C6orf52: variants seen among roughly 807,000 people sequenced by gnomAD.
C6orf52 encodes the protein putative uncharacterized protein C6orf52.
A neutral mutation model predicts 16.6 loss-of-function variants in C6orf52; 16 were observed. That is an observed-to-expected ratio of 0.96 (90% CI 0.65 to 1.46). The LOEUF (loss-of-function observed/expected upper bound fraction) is 1.46, where lower values mean the gene tolerates loss of function less well. C6orf52 is among the 40% of genes most tolerant of loss of function. The pLI is 0.00. For synonymous variants in C6orf52, 53 were observed against 61.4 expected, an observed-to-expected ratio of 0.86 and a Z score of 0.64; for missense variants, 166 against 182.3, an observed-to-expected ratio of 0.91 and a Z score of 0.52.
chr6:10,681,997 G>A (rs1039462726), intron 4 of C6orf52, among the ~76,000 whole-genome samples: 9 of 152,184 alleles, frequency 5.9e-5, no homozygotes, highest in Non-Finnish European at 1.3e-4. Context: ...AGAATGAGGA[G>A]GAGTCACCAG....
At chr6:10,683,302 G>A (rs1768567953) in intron 3 of C6orf52, 70 bp from the exon 4 acceptor site, 8 of 935,060 alleles carry the variant, frequency 8.6e-6, no homozygotes, top group Non-Finnish European at 1.3e-5. Flanking sequence ...ATACTTTATT[G>A]GGAAAAACTC....
intron 1 of C6orf52, among the ~76,000 whole-genome samples, chr6:10,691,950 TAAGC>T (rs1242855476): frequency 6.6e-6 from 1 of 152,210 alleles, no homozygotes; most frequent in Non-Finnish European, 1.5e-5. Context: ...AAAAGTTACT[TAAGC>T]AAGTAAAAGT....
intron 1 of C6orf52, among the ~76,000 whole-genome samples, chr6:10,690,136 C>T (rs1294215354): frequency 3.9e-5 from 6 of 152,128 alleles, no homozygotes; most frequent in Non-Finnish European, 8.8e-5. Context: ...AATCATGTTG[C>T]AACCACCTAG....
At chr6:10,679,110 AG>A (rs1391388308) in intron 4 of C6orf52, among the ~76,000 whole-genome samples, 1 of 151,748 alleles carries the variant, frequency 6.6e-6, no homozygotes, top group African/African-American at 2.4e-5. Context: ...ATAAAATAAA[AG>A]AACAAATTTG....
At chr6:10,673,740 A>T (rs576151659) in intron 4 of C6orf52, among the ~76,000 whole-genome samples, 165 of 152,266 alleles carry the variant, frequency 1.1e-3, no homozygotes, top group Non-Finnish European at 1.9e-3. Context: ...GGTAAATTTT[A>T]TGTTATGCAT....
intron 3 of C6orf52, among the ~76,000 whole-genome samples, chr6:10,685,111 C>T (rs1045599452): frequency 2.6e-4 from 39 of 151,664 alleles, no homozygotes; most frequent in Non-Finnish European, 3.7e-4. Flanking sequence ...TCAAGAGTGA[C>T]GAAAAAATCA....
intron 1 of C6orf52, among the ~76,000 whole-genome samples, chr6:10,692,373 GTAATC>G (rs1275386111): frequency 6.6e-6 from 1 of 152,170 alleles, no homozygotes; most frequent in Admixed American, 6.5e-5. Context: ...TACAAAAAAA[GTAATC>G]TATTCTAAAT....
chr6:10,676,896 G>T (rs964345185), intron 4 of C6orf52, among the ~76,000 whole-genome samples: 1 of 152,140 alleles, frequency 6.6e-6, no homozygotes, highest in Non-Finnish European at 1.5e-5. Flanking sequence ...CGAACCCTGG[G>T]TATTTACCCC....
chr6:10,686,954 A>T lies in C6orf52; in HGVS notation c.270+12T>A, dbSNP rs1178600121. The stretch of plus-strand genomic sequence containing the variant: ...ACACGAATGACACAAGATTCATTCT[A>T]GCAAGGGATACCTTAGGCATAACCA... On this transcript the variant is annotated intron_variant, in intron 3 of 4. Transcript: ENST00000259983. 2.0e-6 allele frequency: 3 copies of T among 1,523,842 alleles called. No individual in the cohort carries two copies. The highest frequency in any genetic ancestry group is 4.3e-5 in the Admixed American group (2 of 46,990). The allele number at this position is 1,523,842 out of a possible 1,614,324, so 94.4% of individuals were successfully genotyped here.
intron 4 of C6orf52, among the ~76,000 whole-genome samples, chr6:10,678,197 A>G (rs1768059789): frequency 1.3e-5 from 2 of 151,194 alleles, no homozygotes; most frequent in Admixed American, 6.6e-5. Context: ...AAAAAAAAAA[A>G]AAAAAAAAAA....
chr6:10,684,242 A>C (rs772716907), intron 3 of C6orf52, among the ~76,000 whole-genome samples: 16 of 152,232 alleles, frequency 1.1e-4, no homozygotes, highest in African/African-American at 3.6e-4. Flanking sequence ...CAGGAGATCA[A>C]GACTGCAGTG....
chr6:10,684,276 C>T (rs1164275562), intron 3 of C6orf52, among the ~76,000 whole-genome samples: 7 of 152,156 alleles, frequency 4.6e-5, no homozygotes, highest in African/African-American at 1.7e-4. Flanking sequence ...CCACTGCACT[C>T]CAGCCTGGGC....
intron 3 of C6orf52, among the ~76,000 whole-genome samples, chr6:10,686,677 A>G (rs1407125755): frequency 6.6e-6 from 1 of 152,224 alleles, no homozygotes; most frequent in Non-Finnish European, 1.5e-5. Flanking sequence ...TGTTTCTAGA[A>G]GAGAATGGGA....
chr6:10,672,146 T>G (rs1767480848), intron 4 of C6orf52, among the ~76,000 whole-genome samples: 2 of 152,252 alleles, frequency 1.3e-5, no homozygotes, highest in Admixed American at 1.3e-4. Context: ...GCGAACGTAT[T>G]AAACGTGGAT....
At position 10,679,627 on chromosome 6, in the gene C6orf52, G is replaced by A. The variant is rs112904510; in HGVS notation, c.316+3560C>T. On this transcript the variant is annotated intron_variant, in intron 4 of 4. Coordinates refer to ENST00000259983, the MANE Select transcript of C6orf52 (RefSeq NM_001145020.3). ...TCTGTGGAACATAATAAAGTGAAGT[G>A]CAATAAAATGAGGTATGCCTGTATA... is the stretch of plus-strand genomic sequence containing the variant. 8.8e-3 allele frequency among the ~76,000 whole-genome samples: 1,323 copies of A among 150,476 alleles called. 18 individuals are homozygous for A. The highest frequency in any genetic ancestry group is 0.031 in the African/African-American group (1,266 of 40,566).
At chr6:10,689,697 C>G (rs547348742) in intron 1 of C6orf52, among the ~76,000 whole-genome samples, 2 of 152,056 alleles carry the variant, frequency 1.3e-5, no homozygotes, top group Admixed American at 1.3e-4. Flanking sequence ...ACAAATATGA[C>G]GGCTGGTGTC....
chr6:10,673,679 C>T (rs1330975068), intron 4 of C6orf52, among the ~76,000 whole-genome samples: 9 of 152,116 alleles, frequency 5.9e-5, no homozygotes, highest in African/African-American at 2.2e-4. Flanking sequence ...AAGTCTATTG[C>T]TTCCCGGCCT....
chr6:10,683,179 T>C lies in C6orf52; in HGVS notation c.316+8A>G. 2 of 1,537,712 alleles carry C rather than the reference T, an allele frequency of 1.3e-6. No homozygotes were observed. Among genetic ancestry groups the C allele is most frequent in the Non-Finnish European group, 1.8e-6 (2 of 1,137,970 alleles). On this transcript the variant is annotated splice_region_variant and intron_variant, in intron 4 of 4. Coordinates refer to ENST00000259983, the MANE Select transcript of C6orf52 (RefSeq NM_001145020.3). ...TTTCCAACCACTTCAGCACAAGGTT[T>C]ATGTTACCTTCTAGTGGGTCTTCAT...
chr6:10,692,688 G>A (rs1208924955), intron 1 of C6orf52, among the ~76,000 whole-genome samples: 1 of 152,118 alleles, frequency 6.6e-6, no homozygotes, highest in African/African-American at 2.4e-5. Context: ...AAAGTGCTGG[G>A]ATTACAGGCA....
Sources: allele counts gnomAD v4.1 joint callset (sites outside exome capture counted in the v4.1 genomes callset), GRCh38; gene constraint gnomAD v4.1.1; transcripts MANE v1.5; gene names NCBI Gene and HGNC (gene_info 2026-07-23, HGNC 2026-07-21).